CTNND2: variants seen among roughly 807,000 people sequenced by gnomAD.
CTNND2 encodes catenin delta-2.
A neutral mutation model predicts 144.4 loss-of-function variants in CTNND2; 22 were observed. The observed-to-expected ratio is 0.15, with a 90% CI of 0.11 to 0.22. The LOEUF (loss-of-function observed/expected upper bound fraction) is 0.22. Among genes scored for constraint, CTNND2 ranks in the 10% least tolerant of loss-of-function variants. CTNND2 has a pLI of 1.00. For synonymous variants in CTNND2, 751 were observed against 695.6 expected (o/e 1.08, Z -1.25); for missense variants, 1,353 against 1,618.8 (o/e 0.84, Z 2.82).
intron 2 of CTNND2, among the ~76,000 whole-genome samples, chr5:11,723,575 A>G (rs563166061): frequency 9.1e-4 from 139 of 152,300 alleles, no homozygotes; most frequent in African/African-American, 3.3e-3. Flanking sequence ...TAAGCAACGC[A>G]TTTACTTTTG....
At chr5:11,353,742 G>A (rs1561266113) in intron 8 of CTNND2, among the ~76,000 whole-genome samples, 1 of 151,890 alleles carries the variant, frequency 6.6e-6, no homozygotes, top group East Asian at 1.9e-4. Context: ...GGCGGAGGTT[G>A]CAGTGATCCG....
At chr5:11,154,706 A>G (rs896025130) in intron 12 of CTNND2, among the ~76,000 whole-genome samples, 1 of 152,236 alleles carries the variant, frequency 6.6e-6, no homozygotes, top group East Asian at 1.9e-4. Flanking sequence ...AAACAACCGA[A>G]ACTTATTATC....
chr5:11,740,037 A>G (rs1283204966), intron 1 of CTNND2, among the ~76,000 whole-genome samples: 1 of 152,226 alleles, frequency 6.6e-6, no homozygotes, highest in African/African-American at 2.4e-5. Flanking sequence ...ACGAAATAAA[A>G]GAGGACACAA....
chr5:11,640,952 A>C (rs1262110569), intron 2 of CTNND2, among the ~76,000 whole-genome samples: 1 of 152,118 alleles, frequency 6.6e-6, no homozygotes, highest in Non-Finnish European at 1.5e-5. Context: ...TTTGACTTTT[A>C]CTGAGTATAT....
At chr5:11,367,891 C>T (rs1006578177) in intron 7 of CTNND2, among the ~76,000 whole-genome samples, 5 of 152,128 alleles carry the variant, frequency 3.3e-5, no homozygotes, top group Non-Finnish European at 7.3e-5. Context: ...AATCATAATC[C>T]CTGTGTCTAT....
intron 5 of CTNND2, among the ~76,000 whole-genome samples, chr5:11,405,947 A>C (rs2149829863): frequency 6.6e-6 from 1 of 152,214 alleles, no homozygotes; most frequent in African/African-American, 2.4e-5. Context: ...TCAGGAGTTC[A>C]ACACCAGCCT....
chr5:11,229,179 C>T (rs1052661899), intron 10 of CTNND2, among the ~76,000 whole-genome samples: 4 of 152,100 alleles, frequency 2.6e-5, no homozygotes, highest in Admixed American at 2.6e-4. Flanking sequence ...CAATCCTTCT[C>T]ACATATAAAG....
At chr5:11,678,304 T>C (rs544709111) in intron 2 of CTNND2, among the ~76,000 whole-genome samples, 1 of 152,272 alleles carries the variant, frequency 6.6e-6, no homozygotes, top group African/African-American at 2.4e-5. Flanking sequence ...AAATCCGATA[T>C]CTATCAGGAG....
chr5:11,554,623 G>A (rs1440612267), intron 3 of CTNND2, among the ~76,000 whole-genome samples: 1 of 151,958 alleles, frequency 6.6e-6, no homozygotes, highest in Non-Finnish European at 1.5e-5. Context: ...TCTGGCCTAG[G>A]GAAACTGCTC....
Position 11,215,193 on chromosome 5 carries a change from G to C in CTNND2, c.1762-15532C>G, listed in dbSNP as rs1739047546. 2.0e-5 allele frequency among the ~76,000 whole-genome samples: 3 copies of C among 152,184 alleles called. No individual in the cohort carries two copies. The South Asian group carries it at 6.2e-4, about 32-fold the overall frequency. ...CAGGAGAAGTATCATATATCAAGCA[G>C]ATTCACACTTGGGAACAAGGACTTC... On this transcript the variant is annotated intron_variant, in intron 10 of 21. Coordinates refer to ENST00000304623, the MANE Select transcript of CTNND2 (RefSeq NM_001332.4).
intron 1 of CTNND2, among the ~76,000 whole-genome samples, chr5:11,874,366 C>A (rs139594714): frequency 1.3e-5 from 2 of 152,196 alleles, no homozygotes; most frequent in African/African-American, 2.4e-5. Flanking sequence ...TAGGTTTTTT[C>A]CTACACACAC....
At chr5:11,739,792 C>G (rs537274261) in intron 1 of CTNND2, among the ~76,000 whole-genome samples, 1 of 152,108 alleles carries the variant, frequency 6.6e-6, no homozygotes, top group South Asian at 2.1e-4. Context: ...ACTTAGAAAA[C>G]CCCATCGTCT....
At chr5:11,385,260 C>A in intron 6 of CTNND2, 31 bp from the exon 7 acceptor site, 1 of 1,057,516 alleles carries the variant, frequency 9.5e-7, no homozygotes, top group Non-Finnish European at 1.1e-6. Flanking sequence ...AACACGCGCA[C>A]TTAGCGAGGG....
At chr5:11,660,990 A>G (rs1235416209) in intron 2 of CTNND2, among the ~76,000 whole-genome samples, 2 of 152,184 alleles carry the variant, frequency 1.3e-5, no homozygotes, top group African/African-American at 4.8e-5. Flanking sequence ...CTCAGTTGCT[A>G]GATCAGAGAA....
At chr5:11,376,375 C>CT (rs1348830140) in intron 7 of CTNND2, among the ~76,000 whole-genome samples, 1 of 90,704 alleles carries the variant, frequency 1.1e-5, no homozygotes, top group Non-Finnish European at 2.1e-5. Context: ...GAAATAAATA[C>CT]TGACTTCCCC....
intron 3 of CTNND2, among the ~76,000 whole-genome samples, chr5:11,556,761 A>AG (rs1776268582): frequency 6.6e-6 from 1 of 151,128 alleles, no homozygotes; most frequent in Non-Finnish European, 1.5e-5. Flanking sequence ...TCTCTTTGCA[A>AG]AAGTTCAATA....
chr5:11,684,905 T>C (rs918784947), intron 2 of CTNND2, among the ~76,000 whole-genome samples: 1 of 152,190 alleles, frequency 6.6e-6, no homozygotes, highest in African/African-American at 2.4e-5. Context: ...CTTCCCACTA[T>C]AGTCAAACAA....
intron 2 of CTNND2, among the ~76,000 whole-genome samples, chr5:11,676,319 A>G (rs1226349820): frequency 1.3e-5 from 2 of 152,044 alleles, no homozygotes; most frequent in African/African-American, 2.4e-5. Context: ...CCAAATACTA[A>G]AAAAAGAGGT....
At chr5:11,817,415 GAGAGAGAGAGA>G (rs1793032868) in intron 1 of CTNND2, among the ~76,000 whole-genome samples, 5 of 532 alleles carry the variant, frequency 9.4e-3, no homozygotes, top group Admixed American at 0.048. Context: ...AGGAGGGAGA[GAGAGAGAGAGA>G]GAGAGAGAGA....
Sources: allele counts gnomAD v4.1 joint callset (sites outside exome capture counted in the v4.1 genomes callset), GRCh38; gene constraint gnomAD v4.1.1; transcripts MANE v1.5; gene names NCBI Gene and HGNC (gene_info 2026-07-23, HGNC 2026-07-21).